The following ASIC2 variants were observed in gnomAD, a reference collection of about 807,000 sequenced individuals.
ASIC2 encodes the protein acid sensing ion channel subunit 2.
A neutral mutation model predicts 57.3 loss-of-function variants in ASIC2; 25 were observed. That is an observed-to-expected ratio of 0.44 (90% CI 0.32 to 0.61). ASIC2 has a LOEUF of 0.61. Ranked by LOEUF, ASIC2 falls within the 20% of genes least tolerant of loss-of-function variation. The pLI is 0.06. For missense variants in ASIC2, 641 were observed against 738.1 expected, an observed-to-expected ratio of 0.87 and a Z score of 1.52; for synonymous variants, 319 against 307.5, an observed-to-expected ratio of 1.04 and a Z score of -0.39.
intron 1 of ASIC2, among the ~76,000 whole-genome samples, chr17:33,215,404 T>G (rs1322032858): frequency 6.6e-6 from 1 of 152,210 alleles, no homozygotes; most frequent in Non-Finnish European, 1.5e-5. Flanking sequence ...AATTTAAATA[T>G]CTGACAGAAG....
At chr17:33,883,987 G>C (rs191490917) in intron 1 of ASIC2, among the ~76,000 whole-genome samples, 14 of 152,332 alleles carry the variant, frequency 9.2e-5, no homozygotes, top group Admixed American at 5.2e-4. Flanking sequence ...AATTCAGGGA[G>C]TCTGGCTCCA....
chr17:33,469,872 G>T (rs766264864), intron 1 of ASIC2, among the ~76,000 whole-genome samples: 4 of 152,196 alleles, frequency 2.6e-5, no homozygotes, highest in Non-Finnish European at 4.4e-5. Flanking sequence ...CAATATAGCA[G>T]CTAAGGTATT....
chr17:33,240,829 C>T (rs146680136), intron 1 of ASIC2, among the ~76,000 whole-genome samples: 1 of 152,166 alleles, frequency 6.6e-6, no homozygotes, highest in Admixed American at 6.5e-5. Context: ...TCCCTGTCCT[C>T]TCCATAGCCA....
rs944125082 is a variant in ASIC2, at chr17:33,821,704, C to A, written c.555+334274G>T. On this transcript the variant is annotated intron_variant, in intron 1 of 9. Coordinates refer to the ASIC2 transcript ENST00000359872. Reference sequence around the variant, plus strand: ...ATTTATCCCCAAGTCAGTCCTGAAACAGATTCATCAGCAAACTCATTTCCT... The same window carrying A: ...ATTTATCCCCAAGTCAGTCCTGAAAAAGATTCATCAGCAAACTCATTTCCT... Among the ~76,000 whole-genome samples the A allele has an allele frequency of 9.2e-5, 14 of 152,218 alleles. No homozygotes were observed. The East Asian group carries it at 2.5e-3, about 27-fold the overall frequency.
chr17:33,455,001 C>G (rs1912398253), intron 1 of ASIC2, among the ~76,000 whole-genome samples: 1 of 152,210 alleles, frequency 6.6e-6, no homozygotes, highest in Admixed American at 6.5e-5. Context: ...GGAACACATA[C>G]ATTCAAACAA....
intron 1 of ASIC2, among the ~76,000 whole-genome samples, chr17:33,844,129 C>T (rs1397381230): frequency 6.6e-6 from 1 of 152,052 alleles, no homozygotes; most frequent in Non-Finnish European, 1.5e-5. Flanking sequence ...GAGAAGAGTC[C>T]TGAGAACTAC....
intron 1 of ASIC2, among the ~76,000 whole-genome samples, chr17:33,989,407 C>T (rs1371938741): frequency 6.6e-6 from 1 of 151,964 alleles, no homozygotes; most frequent in South Asian, 2.1e-4. Context: ...CTTGGCCCAT[C>T]TGGAAATGGA....
chr17:33,233,514 T>TCACACACACACA (rs36203893), intron 1 of ASIC2, among the ~76,000 whole-genome samples: 2 of 147,094 alleles, frequency 1.4e-5, no homozygotes, highest in Non-Finnish European at 3.0e-5. Flanking sequence ...AATTGGAAAT[T>TCACACACACACA]CACACACACA....
chr17:34,122,121 C>G (rs1911640257), intron 1 of ASIC2, among the ~76,000 whole-genome samples: 1 of 152,196 alleles, frequency 6.6e-6, no homozygotes, highest in Non-Finnish European at 1.5e-5. Context: ...TTACTTGTTG[C>G]CTTTTAATAC....
intron 1 of ASIC2, among the ~76,000 whole-genome samples, chr17:33,639,397 C>T (rs746169563): frequency 1.3e-5 from 2 of 152,158 alleles, no homozygotes; most frequent in African/African-American, 2.4e-5. Context: ...CTCCATGGTC[C>T]ATGTGAACTT....
At chr17:34,078,827 C>CAGCAG (rs1909769913) in intron 1 of ASIC2, 1 of 152,224 alleles carries the variant, frequency 6.6e-6, no homozygotes, top group Non-Finnish European at 1.5e-5. Context: ...GGTCCCACCA[C>CAGCAG]AGCAGACCCT....
intron 1 of ASIC2, among the ~76,000 whole-genome samples, chr17:33,796,558 C>G (rs969014000): frequency 6.6e-6 from 1 of 152,100 alleles, no homozygotes; most frequent in African/African-American, 2.4e-5. Flanking sequence ...AATGTAAAGG[C>G]TAAAACTGTA....
At chr17:33,064,192 G>A (rs539288918) in intron 3 of ASIC2, among the ~76,000 whole-genome samples, 4 of 152,246 alleles carry the variant, frequency 2.6e-5, no homozygotes, top group South Asian at 4.1e-4. Context: ...GCTTTGTTCC[G>A]TTGATGGTGA....
intron 1 of ASIC2, among the ~76,000 whole-genome samples, chr17:33,201,415 T>C (rs901258310): frequency 1.3e-5 from 2 of 152,146 alleles, no homozygotes; most frequent in African/African-American, 2.4e-5. Context: ...CTAGACCAGA[T>C]TGAAGACTAG....
intron 1 of ASIC2, among the ~76,000 whole-genome samples, chr17:33,883,043 G>C (rs903965823): frequency 1.3e-5 from 2 of 152,124 alleles, no homozygotes; most frequent in East Asian, 3.9e-4. Context: ...CTCACTCATA[G>C]GTGGGAACTG....
At chr17:33,746,408 G>GTATA (rs1910267079) in intron 1 of ASIC2, among the ~76,000 whole-genome samples, 1 of 146,970 alleles carries the variant, frequency 6.8e-6, no homozygotes, top group African/African-American at 2.5e-5. Context: ...ATACATGTAT[G>GTATA]TATATCTGTA....
chr17:33,434,530 T>C (rs953033828), intron 1 of ASIC2, among the ~76,000 whole-genome samples: 3 of 152,222 alleles, frequency 2.0e-5, no homozygotes, highest in African/African-American at 7.2e-5. Context: ...CAATGCTTTA[T>C]GCTAGCAGGA....
chr17:33,410,692 C>T (rs907849148), intron 1 of ASIC2, among the ~76,000 whole-genome samples: 5 of 152,192 alleles, frequency 3.3e-5, no homozygotes, highest in South Asian at 2.1e-4. Flanking sequence ...CTCTTGTATT[C>T]GTCAAGGCCC....
intron 1 of ASIC2, among the ~76,000 whole-genome samples, chr17:33,152,549 A>G (rs1904843557): frequency 6.6e-6 from 1 of 152,206 alleles, no homozygotes; most frequent in South Asian, 2.1e-4. Context: ...GGGAGACTGA[A>G]TGAGCAGTCC....
Sources: allele counts gnomAD v4.1 joint callset (sites outside exome capture counted in the v4.1 genomes callset), GRCh38; gene constraint gnomAD v4.1.1; transcripts MANE v1.5; gene names NCBI Gene and HGNC (gene_info 2026-07-23, HGNC 2026-07-21).